ASTN2: variants seen among roughly 807,000 people sequenced by gnomAD.
ASTN2 encodes astrotactin 2.
ASTN2 carries 54 observed loss-of-function variants against 139.8 expected under a neutral mutation model. That is an observed-to-expected ratio of 0.39 (90% CI 0.31 to 0.48). The LOEUF is 0.48. ASTN2 is among the 20% of genes least tolerant of loss of function. ASTN2 has a pLI of 0.95. For synonymous variants in ASTN2, 756 were observed against 719.5 expected, an observed-to-expected ratio of 1.05 and a Z score of -0.81; for missense variants, 1,565 against 1,725.1, an observed-to-expected ratio of 0.91 and a Z score of 1.64.
intron 13 of ASTN2, among the ~76,000 whole-genome samples, chr9:116,795,418 G>A (rs773327611): frequency 5.9e-5 from 9 of 152,190 alleles, no homozygotes; most frequent in Non-Finnish European, 8.8e-5. Context: ...AATAAGATGT[G>A]TTTCATTACA....
intron 7 of ASTN2, among the ~76,000 whole-genome samples, chr9:116,991,586 T>TAA (rs5900249): frequency 0.023 from 3,274 of 141,688 alleles, 140 homozygotes; most frequent in African/African-American, 0.083. Context: ...TCCCTCTTAT[T>TAA]AAAAAAAAAA....
At chr9:116,437,796 C>T (rs960033997) in intron 22 of ASTN2, among the ~76,000 whole-genome samples, 6 of 152,300 alleles carry the variant, frequency 3.9e-5, no homozygotes, top group South Asian at 2.1e-4. Flanking sequence ...TCTAAAGAAC[C>T]TTCCTTTCAT....
intron 19 of ASTN2, among the ~76,000 whole-genome samples, chr9:116,535,224 C>T (rs1851562584): frequency 6.6e-6 from 1 of 152,094 alleles, no homozygotes; most frequent in Non-Finnish European, 1.5e-5. Flanking sequence ...GTAGATCTTC[C>T]TCCATCCCTT....
intron 20 of ASTN2, among the ~76,000 whole-genome samples, chr9:116,476,128 T>A (rs1848973446): frequency 6.6e-6 from 1 of 152,184 alleles, no homozygotes; most frequent in Non-Finnish European, 1.5e-5. Context: ...GAAAGAATCC[T>A]TCCTTGCCAC....
intron 22 of ASTN2, among the ~76,000 whole-genome samples, chr9:116,434,152 T>C: frequency 6.6e-6 from 1 of 152,278 alleles, no homozygotes; most frequent in Admixed American, 6.5e-5. Context: ...AATTATAAGA[T>C]ATACCCATGC....
At chr9:117,236,899 C>T (rs1223882329) in intron 2 of ASTN2, among the ~76,000 whole-genome samples, 1 of 152,134 alleles carries the variant, frequency 6.6e-6, no homozygotes, top group Non-Finnish European at 1.5e-5. Context: ...TAGCTATGAT[C>T]CGTAAAGCAA....
intron 17 of ASTN2, among the ~76,000 whole-genome samples, chr9:116,632,981 T>C (rs968541747): frequency 1.3e-5 from 2 of 152,226 alleles, no homozygotes; most frequent in African/African-American, 4.8e-5. Context: ...GTTGTATGAA[T>C]GAATAATAAA....
At chr9:116,832,114 TTG>T (rs1421831675) in intron 11 of ASTN2, among the ~76,000 whole-genome samples, 1 of 152,144 alleles carries the variant, frequency 6.6e-6, no homozygotes, top group Non-Finnish European at 1.5e-5. Context: ...GCAAATGGGA[TTG>T]TATTTTTTAT....
chr9:116,946,951 A>AAAAC (rs1835415993), intron 10 of ASTN2, among the ~76,000 whole-genome samples: 1 of 151,054 alleles, frequency 6.6e-6, no homozygotes, highest in African/African-American at 2.4e-5. Context: ...AAAAAAAAAA[A>AAAAC]CAACCCAGAT....
chr9:117,220,279 G>C (rs1246148575), intron 2 of ASTN2, among the ~76,000 whole-genome samples: 1 of 151,824 alleles, frequency 6.6e-6, no homozygotes, highest in Non-Finnish European at 1.5e-5. Context: ...TCATGACTGG[G>C]TCCCTGCTCA....
Position 117,072,959 on chromosome 9 carries a change from G to A in ASTN2, c.1276+23085C>T, listed in dbSNP as rs150130215. On this transcript the variant is annotated intron_variant, in intron 5 of 22. Coordinates refer to ENST00000313400, the MANE Select transcript of ASTN2 (RefSeq NM_001365068.1). ...AGACTTCAAAGAGGAAAAACAAGAC[G>A]AAGAAGGAATAGAGATGAAGAGAGA... 5.9e-4 allele frequency among the ~76,000 whole-genome samples: 90 copies of A among 152,086 alleles called. 1 individual carries two copies. Among genetic ancestry groups the A allele is most frequent in the African/African-American group, 2.0e-3 (85 of 41,484 alleles).
intron 5 of ASTN2, among the ~76,000 whole-genome samples, chr9:117,059,758 G>A (rs970525928): frequency 2.0e-5 from 3 of 152,034 alleles, no homozygotes; most frequent in African/African-American, 4.8e-5. Flanking sequence ...CTCCAGTTTT[G>A]ATTAGTCATT....
intron 10 of ASTN2, among the ~76,000 whole-genome samples, chr9:116,864,769 G>T (rs994485002): frequency 1.3e-5 from 2 of 152,140 alleles, no homozygotes; most frequent in Non-Finnish European, 2.9e-5. Flanking sequence ...TAGAGGGGGT[G>T]TCTCTGCACC....
At chr9:116,854,206 C>T (rs183278962) in intron 11 of ASTN2, among the ~76,000 whole-genome samples, 27 of 152,238 alleles carry the variant, frequency 1.8e-4, no homozygotes, top group African/African-American at 6.3e-4. Flanking sequence ...AGCATTCAAA[C>T]AATTTTAGCT....
chr9:117,064,002 T>A (rs772089108), intron 5 of ASTN2, among the ~76,000 whole-genome samples: 1 of 151,976 alleles, frequency 6.6e-6, no homozygotes, highest in Non-Finnish European at 1.5e-5. Flanking sequence ...AGCTGAAAGA[T>A]TGTTTTCCCG....
intron 5 of ASTN2, among the ~76,000 whole-genome samples, chr9:117,082,474 T>C (rs1828453857): frequency 6.6e-6 from 1 of 152,194 alleles, no homozygotes. Flanking sequence ...TCTCACTCTC[T>C]TCCAGTTCTT....
intron 16 of ASTN2, among the ~76,000 whole-genome samples, chr9:116,673,514 G>A (rs1859321740): frequency 6.6e-6 from 1 of 152,192 alleles, no homozygotes; most frequent in Admixed American, 6.5e-5. Flanking sequence ...GACCTTATTT[G>A]CAAATGGGGT....
intron 10 of ASTN2, among the ~76,000 whole-genome samples, chr9:116,892,754 C>G (rs769548030): frequency 6.6e-6 from 1 of 152,130 alleles, no homozygotes; most frequent in African/African-American, 2.4e-5. Context: ...CTCTAGATAA[C>G]CTCATGGCTC....
chr9:116,867,265 G>A (rs1370030944), intron 10 of ASTN2, among the ~76,000 whole-genome samples: 1 of 152,128 alleles, frequency 6.6e-6, no homozygotes, highest in Non-Finnish European at 1.5e-5. Flanking sequence ...GTGTGCCGAG[G>A]AGAGGGAGAG....
Sources: allele counts gnomAD v4.1 joint callset (sites outside exome capture counted in the v4.1 genomes callset), GRCh38; gene constraint gnomAD v4.1.1; transcripts MANE v1.5; gene names NCBI Gene and HGNC (gene_info 2026-07-23, HGNC 2026-07-21).